C1orf21: variants seen among roughly 807,000 people sequenced by gnomAD.
C1orf21 encodes the protein uncharacterized protein C1orf21.
A neutral mutation model predicts 18.7 loss-of-function variants in C1orf21; 3 were observed. That is an observed-to-expected ratio of 0.16 (90% CI 0.07 to 0.42). C1orf21 has a LOEUF of 0.42. C1orf21 is among the 10% of genes least tolerant of loss of function. The pLI is 0.99. For missense variants in C1orf21, 104 were observed against 143.6 expected (o/e 0.72, Z 1.41); for synonymous variants, 41 against 46.4 (o/e 0.88, Z 0.47).
intron 1 of C1orf21, among the ~76,000 whole-genome samples, chr1:184,437,834 G>C (rs1025366386): frequency 2.6e-5 from 4 of 151,928 alleles, no homozygotes; most frequent in Admixed American, 2.6e-4. Context: ...CCTGCAACTA[G>C]ATGGTCCCAT....
At chr1:184,395,604 C>T (rs758064189) in intron 1 of C1orf21, among the ~76,000 whole-genome samples, 1 of 151,794 alleles carries the variant, frequency 6.6e-6, no homozygotes, top group South Asian at 2.1e-4. Context: ...AATTGACATG[C>T]GAACACATGA....
At chr1:184,396,925 C>T (rs1297508229) in intron 1 of C1orf21, among the ~76,000 whole-genome samples, 1 of 152,090 alleles carries the variant, frequency 6.6e-6, no homozygotes, top group Non-Finnish European at 1.5e-5. Context: ...ACTAGGGGCC[C>T]AGCACATATT....
chr1:184,566,291 C>T (rs1305503159), intron 3 of C1orf21, among the ~76,000 whole-genome samples: 1 of 152,208 alleles, frequency 6.6e-6, no homozygotes, highest in African/African-American at 2.4e-5. Flanking sequence ...CCACAGTAAA[C>T]TGGGCCATCT....
At chr1:184,529,540 T>C (rs185820337) in intron 3 of C1orf21, among the ~76,000 whole-genome samples, 2 of 152,340 alleles carry the variant, frequency 1.3e-5, no homozygotes, top group East Asian at 3.9e-4. Context: ...CAGATATGTG[T>C]TTGCACATGC....
chr1:184,499,500 A>T (rs898029960), intron 2 of C1orf21, among the ~76,000 whole-genome samples: 1 of 152,132 alleles, frequency 6.6e-6, no homozygotes, highest in Non-Finnish European at 1.5e-5. Context: ...ACAAGAGAGG[A>T]TATGGTAGTT....
At chr1:184,505,307 A>ATATATATG (rs1491131467) in intron 2 of C1orf21, among the ~76,000 whole-genome samples, 1 of 14,330 alleles carries the variant, frequency 7.0e-5, no homozygotes, top group Non-Finnish European at 1.4e-4. Context: ...ACATAAAGAA[A>ATATATATG]TATATATATA....
At position 184,619,811 on chromosome 1, in the gene C1orf21, C is replaced by G. The variant is rs1326739814; in HGVS notation, c.*255C>G. The stretch of plus-strand genomic sequence containing the variant: ...TAAAACTTGTTGCAACTTTTCACTT[C>G]TCTTGTGTCCAGGTATGCAGCAAAA... On this transcript the variant is annotated 3_prime_UTR_variant, in exon 6 of 6. Transcript: ENST00000235307. 2.5e-6 allele frequency: 1 copy of G among 392,256 alleles called. No homozygotes were observed. Among genetic ancestry groups the G allele is most frequent in the Non-Finnish European group, 4.5e-6 (1 of 222,988 alleles). The allele number at this position is 392,256 out of a possible 1,614,324, so 24.3% of individuals were successfully genotyped here.
At chr1:184,505,886 T>A (rs1557989225) in intron 2 of C1orf21, among the ~76,000 whole-genome samples, 1 of 152,160 alleles carries the variant, frequency 6.6e-6, no homozygotes, top group Non-Finnish European at 1.5e-5. Flanking sequence ...TACCTTTTAT[T>A]TTTATCTCTG....
chr1:184,601,588 A>G (rs1341513624), intron 5 of C1orf21, among the ~76,000 whole-genome samples: 2 of 152,224 alleles, frequency 1.3e-5, no homozygotes, highest in Admixed American at 6.5e-5. Context: ...AATAAAAAGC[A>G]GGTAGCAGAA....
At chr1:184,560,010 C>T (rs545316364) in intron 3 of C1orf21, among the ~76,000 whole-genome samples, 2 of 152,232 alleles carry the variant, frequency 1.3e-5, no homozygotes, top group South Asian at 4.2e-4. Context: ...CCTTGACCTC[C>T]CAAAGTGCTG....
intron 3 of C1orf21, among the ~76,000 whole-genome samples, chr1:184,555,898 C>T (rs1454450170): frequency 2.0e-5 from 3 of 152,194 alleles, no homozygotes; most frequent in African/African-American, 7.2e-5. Context: ...TCCAGGCCAT[C>T]TGGACAAAAG....
chr1:184,493,507 T>C (rs936286575), intron 2 of C1orf21, among the ~76,000 whole-genome samples: 1 of 152,220 alleles, frequency 6.6e-6, no homozygotes, highest in Non-Finnish European at 1.5e-5. Flanking sequence ...TTGATTTTCA[T>C]TTGAAAACCA....
chr1:184,546,218 T>C (rs565014964), intron 3 of C1orf21, among the ~76,000 whole-genome samples: 19 of 152,302 alleles, frequency 1.2e-4, no homozygotes, highest in African/African-American at 4.6e-4. Flanking sequence ...GCATATCACT[T>C]GAGGCCAGGA....
intron 3 of C1orf21, among the ~76,000 whole-genome samples, chr1:184,521,230 A>G (rs978569427): frequency 6.6e-6 from 1 of 152,170 alleles, no homozygotes; most frequent in Middle Eastern, 3.2e-3. Flanking sequence ...TGAATTTCTT[A>G]CAATGCTAAA....
chr1:184,526,496 C>T (rs1045822466), intron 3 of C1orf21, among the ~76,000 whole-genome samples: 44 of 152,244 alleles, frequency 2.9e-4, no homozygotes, highest in African/African-American at 1.0e-3. Context: ...TAGAACTTGG[C>T]AGGTAATACA....
chr1:184,616,221 T>G (rs552498933), intron 5 of C1orf21, among the ~76,000 whole-genome samples: 1 of 152,256 alleles, frequency 6.6e-6, no homozygotes, highest in Non-Finnish European at 1.5e-5. Flanking sequence ...AAGTTGCTTC[T>G]CAGTGCTGCT....
At chr1:184,604,551 T>C (rs149889807) in intron 5 of C1orf21, among the ~76,000 whole-genome samples, 1 of 152,360 alleles carries the variant, frequency 6.6e-6, no homozygotes, top group East Asian at 1.9e-4. Context: ...TTCATCACCT[T>C]GCCTTGCCAT....
At chr1:184,521,685 T>C (rs1439900516) in intron 3 of C1orf21, among the ~76,000 whole-genome samples, 1 of 152,222 alleles carries the variant, frequency 6.6e-6, no homozygotes, top group Non-Finnish European at 1.5e-5. Context: ...GGTAGGTACA[T>C]GTTACTATAC....
At chr1:184,565,757 G>T (rs1017378743) in intron 3 of C1orf21, among the ~76,000 whole-genome samples, 1 of 152,214 alleles carries the variant, frequency 6.6e-6, no homozygotes, top group African/African-American at 2.4e-5. Flanking sequence ...TTAAAGTCCT[G>T]CATATTAAAC....
Sources: allele counts gnomAD v4.1 joint callset (sites outside exome capture counted in the v4.1 genomes callset), GRCh38; gene constraint gnomAD v4.1.1; transcripts MANE v1.5; gene names NCBI Gene and HGNC (gene_info 2026-07-23, HGNC 2026-07-21).